The following SHTN1 variants were observed in gnomAD, a reference collection of about 807,000 sequenced individuals.
SHTN1 encodes shootin 1.
A neutral mutation model predicts 83.1 loss-of-function variants in SHTN1; 42 were observed. The ratio of observed to expected loss-of-function variants is 0.51; its 90% confidence interval spans 0.39 to 0.65. SHTN1 has a LOEUF of 0.65. Ranked by LOEUF, SHTN1 falls within the 30% of genes least tolerant of loss-of-function variation. SHTN1 has a pLI of 0.00. For missense variants in SHTN1, 622 were observed against 737.8 expected (o/e 0.84, Z 1.82); for synonymous variants, 224 against 247.7 (o/e 0.90, Z 0.90).
intron 12 of SHTN1, among the ~76,000 whole-genome samples, chr10:116,919,310 ATG>A (rs1163795378): frequency 6.6e-6 from 1 of 152,226 alleles, no homozygotes; most frequent in Non-Finnish European, 1.5e-5. Context: ...TGCTTCAGCC[ATG>A]TGTGAGTACA....
At chr10:116,976,028 C>T (rs1475993131) in intron 2 of SHTN1, among the ~76,000 whole-genome samples, 2 of 152,134 alleles carry the variant, frequency 1.3e-5, no homozygotes, top group South Asian at 2.1e-4. Flanking sequence ...CAATAAGCTC[C>T]CACTGTTCAC....
chr10:117,018,594 T>TAC (rs1852217453), intron 2 of SHTN1, among the ~76,000 whole-genome samples: 3 of 140,486 alleles, frequency 2.1e-5, no homozygotes, highest in Non-Finnish European at 3.0e-5. Context: ...TTTTTTGAGA[T>TAC]GGAGTCTTGC....
At chr10:117,084,863 C>G (rs993864104) in intron 1 of SHTN1, among the ~76,000 whole-genome samples, 21 of 151,578 alleles carry the variant, frequency 1.4e-4, no homozygotes, top group African/African-American at 5.1e-4. Flanking sequence ...CTTGCGCTTC[C>G]CGAGTGAGGC....
intron 9 of SHTN1, among the ~76,000 whole-genome samples, chr10:116,934,198 T>C (rs1231615506): frequency 1.3e-5 from 2 of 152,238 alleles, no homozygotes; most frequent in Non-Finnish European, 2.9e-5. Context: ...TTGGCTTTTG[T>C]TGCCATTGCT....
chr10:116,969,436 G>A (rs1442327450), intron 2 of SHTN1, among the ~76,000 whole-genome samples: 3 of 152,052 alleles, frequency 2.0e-5, no homozygotes, highest in Admixed American at 6.5e-5. Context: ...GTGAGACTCT[G>A]ACTCAAAAAA....
At chr10:117,076,659 T>C (rs1369210497) in intron 1 of SHTN1, among the ~76,000 whole-genome samples, 3 of 152,240 alleles carry the variant, frequency 2.0e-5, no homozygotes, top group Non-Finnish European at 2.9e-5. Context: ...TCATTTCAAA[T>C]ATCGAAAGTT....
In SHTN1 at chr10:116,981,540, C is replaced by T. The variant is rs774021344; in HGVS notation, c.59-2232G>A. On this transcript the variant is annotated intron_variant, in intron 1 of 16. Coordinates refer to ENST00000355371, the MANE Select transcript of SHTN1 (RefSeq NM_001127211.3). ...AAGATCTTCTAAAAATATTCACTTA[C>T]ACCACCACTGGGTAGTCTATGGTCA... 5.3e-5 allele frequency among the ~76,000 whole-genome samples: 8 copies of T among 152,164 alleles called. No homozygotes were observed. In the East Asian group the frequency reaches 7.7e-4, roughly 15 times the overall value.
chr10:117,064,857 G>A (rs1852952814), intron 1 of SHTN1, among the ~76,000 whole-genome samples: 1 of 152,134 alleles, frequency 6.6e-6, no homozygotes, highest in Non-Finnish European at 1.5e-5. Context: ...CTGAAACAGG[G>A]TTTCTGAAGC....
intron 1 of SHTN1, among the ~76,000 whole-genome samples, chr10:116,994,958 T>C (rs1851576695): frequency 6.6e-6 from 1 of 152,126 alleles, no homozygotes; most frequent in African/African-American, 2.4e-5. Context: ...TTATTATTTG[T>C]ATGAATGTTA....
chr10:117,060,822 A>G (rs575621110), intron 1 of SHTN1, among the ~76,000 whole-genome samples: 1 of 152,338 alleles, frequency 6.6e-6, no homozygotes, highest in South Asian at 2.1e-4. Context: ...TGGTATTTTA[A>G]ACTACTTATG....
chr10:116,941,141 GA>G (rs1849358197), intron 8 of SHTN1, among the ~76,000 whole-genome samples: 1 of 152,158 alleles, frequency 6.6e-6, no homozygotes, highest in Non-Finnish European at 1.5e-5. Context: ...GAGGCTCAAA[GA>G]AGTTAAGCAA....
intron 2 of SHTN1, among the ~76,000 whole-genome samples, chr10:117,017,530 TACA>T (rs1269695263): frequency 6.6e-6 from 1 of 151,752 alleles, no homozygotes; most frequent in African/African-American, 2.4e-5. Context: ...ACAGTAGTAT[TACA>T]ATCTAACCAA....
intron 1 of SHTN1, among the ~76,000 whole-genome samples, chr10:117,109,655 C>G (rs1216760720): frequency 3.7e-5 from 5 of 136,688 alleles, no homozygotes; most frequent in African/African-American, 1.4e-4. Context: ...ACCTCTGCCT[C>G]CCAGGTTCAA....
At chr10:117,072,756 T>A (rs1853102272) in intron 1 of SHTN1, among the ~76,000 whole-genome samples, 1 of 152,014 alleles carries the variant, frequency 6.6e-6, no homozygotes, top group South Asian at 2.1e-4. Flanking sequence ...TCTACCCAAA[T>A]GAGAAGAAAC....
chr10:116,948,822 G>A lies in SHTN1; in HGVS notation c.616+94C>T, dbSNP rs189862966. On this transcript the variant is annotated intron_variant, in intron 7 of 16. Transcript: ENST00000355371. ...AATATAGGAGAAGATTTTATTTACA[G>A]TCATATTTAGGCACAGGTGTAAAAT... The A allele has an allele frequency of 1.1e-4, 84 of 773,266 alleles. No homozygotes were observed. The African/African-American group carries it at 1.4e-3, about 13-fold the overall frequency. 47.9% of individuals were successfully genotyped at this position (773,266 alleles called of 1,614,324 possible).
In SHTN1 at chr10:116,881,642, A is replaced by G. The variant is rs1385174823; in HGVS notation, c.*4702T>C. ...TCCCCACACAAGGTGTAGAGGAATC[A>G]GCCGAAACAGGAGCATCCTCTGGAT... On this transcript the variant is annotated 3_prime_UTR_variant, in exon 17 of 17. Coordinates refer to ENST00000355371, the MANE Select transcript of SHTN1 (RefSeq NM_001127211.3). 6.5e-7 allele frequency: 1 copy of G among 1,547,648 alleles called. No individual in the cohort carries two copies. The highest frequency in any genetic ancestry group is 2.0e-5 in the Admixed American group (1 of 50,570).
intron 2 of SHTN1, among the ~76,000 whole-genome samples, chr10:117,032,712 T>C (rs1221852616): frequency 1.3e-5 from 2 of 152,122 alleles, no homozygotes; most frequent in Admixed American, 6.6e-5. Flanking sequence ...TTACAGAACA[T>C]TTCATCAGTC....
At chr10:117,107,742 A>T (rs1292603826) in intron 1 of SHTN1, among the ~76,000 whole-genome samples, 1 of 152,212 alleles carries the variant, frequency 6.6e-6, no homozygotes. Context: ...AAAAGTCAGA[A>T]AGAAGATAGA....
chr10:116,900,695 G>A (rs1037778777), intron 16 of SHTN1: 12 of 984,596 alleles, frequency 1.2e-5, no homozygotes, highest in African/African-American at 1.7e-5. Flanking sequence ...AAATTTAATA[G>A]GAAAGATGGA....
Sources: allele counts gnomAD v4.1 joint callset (sites outside exome capture counted in the v4.1 genomes callset), GRCh38; gene constraint gnomAD v4.1.1; transcripts MANE v1.5; gene names NCBI Gene and HGNC (gene_info 2026-07-23, HGNC 2026-07-21).